The following PRH1 variants were observed in gnomAD, a reference collection of about 807,000 sequenced individuals.
PRH1 encodes the protein salivary acidic proline-rich phosphoprotein 1/2.
PRH1 carries 7 observed loss-of-function variants against 7.9 expected under a neutral mutation model. The observed-to-expected ratio is 0.89, with a 90% CI of 0.50 to 1.67. The LOEUF is 1.67. PRH1 is among the 40% of genes most tolerant of loss of function. The pLI, the probability that PRH1 is intolerant of heterozygous loss-of-function variation, is 0.00. For synonymous variants in PRH1, 45 were observed against 80.8 expected, an observed-to-expected ratio of 0.56 and a Z score of 2.38; for missense variants, 109 against 223.6, an observed-to-expected ratio of 0.49 and a Z score of 3.27.
At chr12:10,949,849 T>G (rs960710986) in intron 2 of PRH1, among the ~76,000 whole-genome samples, 3 of 152,130 alleles carry the variant, frequency 2.0e-5, no homozygotes, top group Non-Finnish European at 2.9e-5. Flanking sequence ...CTCTTTAGTT[T>G]TCTTCCTCCC....
At chr12:11,150,978 T>C (rs1305921786) in intron 1 of PRH1, among the ~76,000 whole-genome samples, 1 of 152,176 alleles carries the variant, frequency 6.6e-6, no homozygotes, top group East Asian at 1.9e-4. Flanking sequence ...GGTTTCTCTT[T>C]TGAGGAGTCT....
rs770708061 is a variant in PRH1, at chr12:11,030,510, G to C, written c.-126+16510C>G. On this transcript the variant is annotated intron_variant, in intron 1 of 3. Transcript: ENST00000539853. ...TTGTTTCCCCAAATCAGGATGAATG[G>C]GTGGATTGAAGGATAGCTGAATCTA... is the stretch of plus-strand genomic sequence containing the variant. The C allele has an allele frequency of 3.1e-6, 5 of 1,614,256 alleles. No homozygotes were observed. In the Admixed American group the frequency reaches 6.7e-5, roughly 22 times the overall value.
intron 1 of PRH1, chr12:11,030,589 A>C: frequency 6.2e-7 from 1 of 1,614,254 alleles, no homozygotes; most frequent in Non-Finnish European, 8.5e-7. Flanking sequence ...CAAAACTCCA[A>C]ACTGATATCA....
At chr12:11,117,323 C>A (rs886875154), downstream of PRH1, among the ~76,000 whole-genome samples, 1 of 151,918 alleles carries the variant, frequency 6.6e-6, no homozygotes, top group African/African-American at 2.4e-5. Context: ...AAAGGTCACA[C>A]ATAAAATTAA....
At chr12:10,913,186 C>A in intron 2 of PRH1, among the ~76,000 whole-genome samples, 1 of 152,054 alleles carries the variant, frequency 6.6e-6, no homozygotes, top group East Asian at 1.9e-4. Flanking sequence ...ATCTATTTAG[C>A]CTCACGCCTG....
At chr12:10,939,909 GTTAA>G (rs928844073) in intron 2 of PRH1, among the ~76,000 whole-genome samples, 12 of 151,968 alleles carry the variant, frequency 7.9e-5, no homozygotes, top group Admixed American at 2.0e-4. Flanking sequence ...ATTTGAATAC[GTTAA>G]TTAGTTTCAT....
Position 11,079,833 on chromosome 12 carries a change from C to T in PRH1, n.124-32645G>A, listed in dbSNP as rs1268588060. Among the ~76,000 whole-genome samples, 2 of 115,974 alleles carry T rather than the reference C, an allele frequency of 1.7e-5. 1 individual carries two copies. Among genetic ancestry groups the T allele is most frequent in the Admixed American group, 1.7e-4 (2 of 11,528 alleles). 76.1% of individuals were successfully genotyped at this position (115,974 alleles called of 152,430 possible). A position where few individuals can be genotyped will look rare whatever the true frequency, so the allele number is the denominator to read the frequency against. On this transcript the variant is annotated intron_variant and non_coding_transcript_variant, in intron 1 of 4. Coordinates refer to the PRH1 transcript ENST00000541977. ...CTACTTAAAATCGCTTAGAGTTATACATAAATGTATAAAAATAGTGAATTT... is the reference window on the plus strand; with the variant it reads ...CTACTTAAAATCGCTTAGAGTTATATATAAATGTATAAAAATAGTGAATTT...
intron 1 of PRH1, among the ~76,000 whole-genome samples, chr12:11,140,149 C>T (rs1439145319): frequency 1.3e-5 from 2 of 151,656 alleles, no homozygotes; most frequent in East Asian, 1.9e-4. Flanking sequence ...TTCTTATAAG[C>T]AAGTGTAATT....
intron 1 of PRH1, among the ~76,000 whole-genome samples, chr12:11,052,928 TTTG>T (rs201228423): frequency 1.8e-3 from 228 of 128,714 alleles, no homozygotes; most frequent in African/African-American, 2.8e-3. Context: ...TTTTTGATTT[TTTG>T]TTTTTTGTTT....
intron 2 of PRH1, among the ~76,000 whole-genome samples, chr12:10,928,112 A>G (rs1179131505): frequency 6.6e-6 from 1 of 152,224 alleles, no homozygotes; most frequent in African/African-American, 2.4e-5. Context: ...GAAGAAAATT[A>G]CAAACGACAA....
chr12:11,151,231 G>C (rs1402813586), intron 1 of PRH1, among the ~76,000 whole-genome samples: 1 of 151,100 alleles, frequency 6.6e-6, no homozygotes, highest in Admixed American at 6.6e-5. Flanking sequence ...TGCACACGAA[G>C]TTGCAGGCTG....
At chr12:10,918,675 A>T (rs1280492663) in intron 2 of PRH1, among the ~76,000 whole-genome samples, 1 of 152,242 alleles carries the variant, frequency 6.6e-6, no homozygotes, top group Non-Finnish European at 1.5e-5. Flanking sequence ...CTTTGCACAC[A>T]TTATAATTCT....
chr12:11,130,382 A>C (rs2016674), intron 1 of PRH1, among the ~76,000 whole-genome samples: 2 of 151,996 alleles, frequency 1.3e-5, no homozygotes, highest in South Asian at 2.1e-4. Flanking sequence ...TGCTCTCTCT[A>C]TATATTTCCT....
At chr12:11,064,305 CA>C (rs1326867441) in intron 1 of PRH1, among the ~76,000 whole-genome samples, 1 of 152,142 alleles carries the variant, frequency 6.6e-6, no homozygotes, top group Non-Finnish European at 1.5e-5. Flanking sequence ...TTCTTGGACT[CA>C]ACATTGTGTT....
intron 1 of PRH1, among the ~76,000 whole-genome samples, chr12:10,975,197 AC>A (rs1565513583): frequency 6.6e-6 from 1 of 152,194 alleles, no homozygotes. Flanking sequence ...TACAAAGGGA[AC>A]CCCATCAGGC....
intron 1 of PRH1, among the ~76,000 whole-genome samples, chr12:10,995,736 T>C (rs951970063): frequency 6.6e-6 from 1 of 152,110 alleles, no homozygotes; most frequent in Non-Finnish European, 1.5e-5. Context: ...CTGAAATATA[T>C]AACATCAGAT....
At chr12:10,890,404 T>C (rs985917752) in intron 2 of PRH1, among the ~76,000 whole-genome samples, 12 of 151,060 alleles carry the variant, frequency 7.9e-5, no homozygotes, top group Middle Eastern at 3.4e-3. Flanking sequence ...TGTGTGTGTT[T>C]GTGTGTGTGT....
intron 2 of PRH1, among the ~76,000 whole-genome samples, chr12:10,949,369 C>G (rs1950535567): frequency 6.6e-6 from 1 of 152,190 alleles, no homozygotes; most frequent in Non-Finnish European, 1.5e-5. Flanking sequence ...CTTCATTAGT[C>G]CAAGAGTGGC....
At chr12:10,929,086 G>A (rs1950164051) in intron 2 of PRH1, 2 of 659,360 alleles carry the variant, frequency 3.0e-6, no homozygotes, top group African/African-American at 3.6e-5. Flanking sequence ...TTCCTGCTAG[G>A]CTAGAGTCCC....
Sources: allele counts gnomAD v4.1 joint callset (sites outside exome capture counted in the v4.1 genomes callset), GRCh38; gene constraint gnomAD v4.1.1; transcripts MANE v1.5; gene names NCBI Gene and HGNC (gene_info 2026-07-23, HGNC 2026-07-21).